The following PTGER3 variants were observed in gnomAD, a reference collection of about 807,000 sequenced individuals.
PTGER3 encodes prostaglandin E2 receptor EP3 subtype.
Under a neutral mutation model 34.7 loss-of-function variants are expected in PTGER3, and 22 were observed. The observed-to-expected ratio is 0.63, with a 90% CI of 0.45 to 0.91. PTGER3 has a LOEUF of 0.91. PTGER3 is among the 40% of genes least tolerant of loss of function. PTGER3 has a pLI of 0.00. For synonymous variants in PTGER3, 241 were observed against 230.1 expected, an observed-to-expected ratio of 1.05 and a Z score of -0.43; for missense variants, 468 against 519.4, an observed-to-expected ratio of 0.90 and a Z score of 0.96.
chr1:71,043,095 G>T (rs192085874), intron 1 of PTGER3, among the ~76,000 whole-genome samples: 1 of 152,282 alleles, frequency 6.6e-6, no homozygotes, highest in East Asian at 1.9e-4. Flanking sequence ...AAATCCTAAG[G>T]TTATTCCCAT....
chr1:70,907,802 C>T (rs1463283203), intron 4 of PTGER3, among the ~76,000 whole-genome samples: 2 of 152,160 alleles, frequency 1.3e-5, no homozygotes, highest in Non-Finnish European at 2.9e-5. Flanking sequence ...GATTAAAAAC[C>T]CAGGTCTGTT....
At chr1:70,949,321 AT>A (rs1250991152), downstream of PTGER3, among the ~76,000 whole-genome samples, 3 of 152,202 alleles carry the variant, frequency 2.0e-5, no homozygotes, top group Non-Finnish European at 4.4e-5. Flanking sequence ...ATCAAGCGAC[AT>A]TAAATTAATT....
chr1:70,892,663 A>C (rs1325494340), intron 4 of PTGER3, among the ~76,000 whole-genome samples: 1 of 151,994 alleles, frequency 6.6e-6, no homozygotes, highest in East Asian at 1.9e-4. Flanking sequence ...CAACATGGTG[A>C]AACCCCGTCT....
At chr1:71,020,326 T>G (rs1468501953) in intron 1 of PTGER3, among the ~76,000 whole-genome samples, 5 of 152,216 alleles carry the variant, frequency 3.3e-5, no homozygotes, top group Admixed American at 2.6e-4. Flanking sequence ...ATAAGATTTT[T>G]TAAAACAACA....
At chr1:71,046,285 CAAAA>C (rs34411077) in intron 1 of PTGER3, among the ~76,000 whole-genome samples, 1 of 81,176 alleles carries the variant, frequency 1.2e-5, no homozygotes, top group Non-Finnish European at 2.2e-5. Flanking sequence ...GACTCCGTCT[CAAAA>C]AAAAAAAAAA....
chr1:70,981,385 TTC>T (rs1654332518), intron 2 of PTGER3, among the ~76,000 whole-genome samples: 3 of 65,600 alleles, frequency 4.6e-5, no homozygotes, highest in Non-Finnish European at 9.6e-5. Flanking sequence ...CTTTCTTTCT[TTC>T]TTTCTTTCCT....
chr1:70,994,214 A>C (rs1655723253), intron 2 of PTGER3, among the ~76,000 whole-genome samples: 1 of 152,168 alleles, frequency 6.6e-6, no homozygotes, highest in South Asian at 2.1e-4. Context: ...ATCACCTCAG[A>C]AACTTAATAT....
At chr1:70,928,087 A>C (rs1648289159) in intron 4 of PTGER3, among the ~76,000 whole-genome samples, 1 of 149,762 alleles carries the variant, frequency 6.7e-6, no homozygotes, top group Non-Finnish European at 1.5e-5. Context: ...AAATTATGAA[A>C]CATTTCTGTT....
chr1:70,881,635 G>C (rs1239006977), intron 4 of PTGER3, among the ~76,000 whole-genome samples: 1 of 152,056 alleles, frequency 6.6e-6, no homozygotes, highest in African/African-American at 2.4e-5. Flanking sequence ...GGGTTTGATT[G>C]TGATTCTCAG....
chr1:70,934,789 A>T (rs573176369), intron 4 of PTGER3, among the ~76,000 whole-genome samples: 1 of 152,184 alleles, frequency 6.6e-6, no homozygotes, highest in Non-Finnish European at 1.5e-5. Flanking sequence ...TTTCTAAAAC[A>T]CTGTCCAGAT....
chr1:71,007,087 G>A (rs1462477753), intron 2 of PTGER3: 1 of 984,468 alleles, frequency 1.0e-6, no homozygotes, highest in Non-Finnish European at 1.2e-6. Flanking sequence ...ACATAGAGGT[G>A]ATAAAAGAGA....
At chr1:70,861,608 A>G (rs1291702584) in intron 4 of PTGER3, among the ~76,000 whole-genome samples, 1 of 152,012 alleles carries the variant, frequency 6.6e-6, no homozygotes, top group Non-Finnish European at 1.5e-5. Context: ...AAACATAAAT[A>G]AAACTTAAAG....
chr1:70,990,702 T>G (rs559502060), intron 2 of PTGER3, among the ~76,000 whole-genome samples: 11 of 152,086 alleles, frequency 7.2e-5, no homozygotes, highest in South Asian at 6.2e-4. Flanking sequence ...GTGCTTGAAT[T>G]TCTGGGCTCA....
intron 1 of PTGER3, among the ~76,000 whole-genome samples, chr1:71,020,317 T>A (rs917265336): frequency 6.6e-6 from 1 of 152,214 alleles, no homozygotes; most frequent in South Asian, 2.1e-4. Flanking sequence ...CGTAATTTTA[T>A]AAGATTTTTT....
chr1:71,006,465 G>A (rs1656976190), intron 2 of PTGER3: 1 of 985,260 alleles, frequency 1.0e-6, no homozygotes, highest in South Asian at 4.7e-5. Flanking sequence ...CAATTAAAGG[G>A]TTGTACTATG....
In PTGER3 at chr1:70,928,120, CAT is replaced by C. The variant is rs961721223; in HGVS notation, c.*23+25641_*23+25642del. On this transcript the variant is annotated intron_variant, in intron 4 of 4. Coordinates refer to the PTGER3 transcript ENST00000370931. ...GTTAACAATGAAGAAATCCATTCAT[CAT>C]ATATATATATTTATATATATATATT... 9.6e-3 allele frequency among the ~76,000 whole-genome samples: 978 copies of C among 101,994 alleles called. 7 individuals carry two copies. The highest frequency in any genetic ancestry group is 0.014 in the Non-Finnish European group (701 of 48,886). The allele number at this position is 101,994 out of a possible 152,430, so 66.9% of individuals were successfully genotyped here. A position where few individuals can be genotyped will look rare whatever the true frequency, so the allele number is the denominator to read the frequency against.
intron 2 of PTGER3, among the ~76,000 whole-genome samples, chr1:70,999,971 G>C (rs1035771337): frequency 6.6e-6 from 1 of 152,130 alleles, no homozygotes; most frequent in Non-Finnish European, 1.5e-5. Flanking sequence ...TTGGACATAT[G>C]GACCTTCACA....
rs576209653 is a variant in PTGER3 at position 70,852,971 on chromosome 1, G to A, written c.*24-112C>T. 16 of 1,223,506 alleles carry A rather than the reference G, an allele frequency of 1.3e-5. No individual in the cohort carries two copies. The East Asian group carries it at 3.5e-4, about 27-fold the overall frequency. 75.8% of individuals were successfully genotyped at this position (1,223,506 alleles called of 1,614,324 possible). On this transcript the variant is annotated intron_variant, in intron 4 of 4. Transcript: ENST00000370931. ...TAAATTTCAGATTATGAACAGGAAT[G>A]GTAAATCACTTACAGCAGTATAACA...
Position 70,970,975 on chromosome 1 carries a change from T to TA in PTGER3, c.*754dup. ...ATCAGAAGGCCTACCTGGATTTTTT[T>TA]ATCACTCTAACTGCGCAGCTAATCA... On this transcript the variant is annotated 3_prime_UTR_variant, in exon 4 of 4. Transcript: ENST00000306666. 1.0e-6 allele frequency: 1 copy of TA among 985,416 alleles called. No individual in the cohort carries two copies. The highest frequency in any genetic ancestry group is 1.2e-6 in the Non-Finnish European group (1 of 829,920). The allele number at this position is 985,416 out of a possible 1,614,324, so 61.0% of individuals were successfully genotyped here. A position where few individuals can be genotyped will look rare whatever the true frequency, so the allele number is the denominator to read the frequency against.
Sources: allele counts gnomAD v4.1 joint callset (sites outside exome capture counted in the v4.1 genomes callset), GRCh38; gene constraint gnomAD v4.1.1; transcripts MANE v1.5; gene names NCBI Gene and HGNC (gene_info 2026-07-23, HGNC 2026-07-21).